CALCOCO1: variants seen among roughly 807,000 people sequenced by gnomAD.
CALCOCO1 encodes the protein calcium binding and coiled-coil domain 1, also known as calcium-binding and coiled-coil domain-containing protein 1.
CALCOCO1 carries 44 observed loss-of-function variants against 86.3 expected under a neutral mutation model. That is an observed-to-expected ratio of 0.51 (90% CI 0.40 to 0.66). The LOEUF (loss-of-function observed/expected upper bound fraction) is 0.66, where lower values mean the gene tolerates loss of function less well. Among genes scored for constraint, CALCOCO1 ranks in the 30% least tolerant of loss-of-function variants. The pLI is 0.00. For synonymous variants in CALCOCO1, 297 were observed against 327.6 expected (o/e 0.91, Z 1.01); for missense variants, 708 against 851.1 (o/e 0.83, Z 2.09).
At position 53,725,123 on chromosome 12, in the gene CALCOCO1, G is replaced by A; in HGVS notation, c.120C>T (p.Thr40=). The A allele has an allele frequency of 3.1e-6, 5 of 1,611,466 alleles. No homozygotes were observed. Among genetic ancestry groups the A allele is most frequent in the Non-Finnish European group, 4.2e-6 (5 of 1,178,776 alleles). Residue 40 remains threonine, a synonymous_variant, in exon 2 of 15, where the codon ACC becomes ACT. Transcript: ENST00000550804. ...VECHYTLPPG[T]MPSASDWIGI... ...CAATCCAGTCACTGGCACTGGGCATGGTGCCTGGGGGAAGGGTGTAGTGAC... is the reference window on the plus strand; with the variant it reads ...CAATCCAGTCACTGGCACTGGGCATAGTGCCTGGGGGAAGGGTGTAGTGAC...
At chr12:53,726,138 C>T (rs1215808865) in intron 1 of CALCOCO1, 2 of 152,098 alleles carry the variant, frequency 1.3e-5, no homozygotes, top group South Asian at 2.1e-4. Flanking sequence ...TAAGGGGCCC[C>T]AAGAAGTGGA....
intron 3 of CALCOCO1, 36 bp downstream of exon 3, chr12:53,724,609 G>A (rs1391779989): frequency 1.3e-6 from 2 of 1,515,612 alleles, no homozygotes; most frequent in Middle Eastern, 3.4e-4. Context: ...CCACTCCCTT[G>A]GCTCCTCTCT....
In CALCOCO1 at chr12:53,712,128, G is replaced by C. The variant is rs1379842829; in HGVS notation, c.1899-7C>G. The C allele has an allele frequency of 6.3e-7, 1 of 1,591,046 alleles. No individual in the cohort carries two copies. The highest frequency in any genetic ancestry group is 2.3e-5 in the East Asian group (1 of 44,128). ...GGTACCCACTGTAAAGCCACTAAGA[G>C]AGACAGAGGGGAAAGGGAGAGGGTC... On this transcript the variant is annotated splice_polypyrimidine_tract_variant and splice_region_variant and intron_variant, in intron 14 of 14. Coordinates refer to ENST00000550804, the MANE Select transcript of CALCOCO1 (RefSeq NM_020898.3).
At chr12:53,724,456 C>G in intron 3 of CALCOCO1, 189 bp downstream of exon 3, 1 of 587,238 alleles carries the variant, frequency 1.7e-6, no homozygotes, top group Non-Finnish European at 3.1e-6. Context: ...GTTTCTATGT[C>G]CCTGATTCTG....
At chr12:53,724,909 C>G in intron 2 of CALCOCO1, 162 bp from the exon 3 acceptor site, 1 of 861,282 alleles carries the variant, frequency 1.2e-6, no homozygotes, top group Non-Finnish European at 1.8e-6. Flanking sequence ...CAGTAAAGAA[C>G]AAGGCTAAGA....
At position 53,716,333 on chromosome 12, in the gene CALCOCO1, C is replaced by T. The variant is rs1945726608; in HGVS notation, c.932G>A (p.Ser311Asn). Reference sequence around the variant, plus strand: ...GTCTTTCAGTCGCTGAGCCTGAGCACTCTGCTCCTCTTGCCAGCTCTTCGC... The same window carrying T: ...GTCTTTCAGTCGCTGAGCCTGAGCATTCTGCTCCTCTTGCCAGCTCTTCGC... ...KEAKSWQEEQ[S>N]AQAQRLKDKV... The change falls in exon 8 of 15, where the codon AGT (serine) becomes AAT (asparagine). Residue 311 changes from serine (S) to asparagine (N), a missense_variant. Transcript: ENST00000550804. 6.2e-7 allele frequency: 1 copy of T among 1,614,206 alleles called. No individual in the cohort carries two copies.
At chr12:53,713,308 T>A in intron 13 of CALCOCO1, 102 bp from the exon 14 acceptor site, 1 of 920,782 alleles carries the variant, frequency 1.1e-6, no homozygotes, top group Non-Finnish European at 1.7e-6. Flanking sequence ...GCTAGGACAG[T>A]GACCTGAGGG....
At chr12:53,727,241 T>G (rs1236202172) in intron 1 of CALCOCO1, among the ~76,000 whole-genome samples, 163 bp downstream of exon 1, 4 of 151,948 alleles carry the variant, frequency 2.6e-5, no homozygotes, top group African/African-American at 9.7e-5. Context: ...AACCAAGAAC[T>G]CCCCAAACAG....
chr12:53,713,269 T>G, intron 13 of CALCOCO1, 63 bp from the exon 14 acceptor site: 8 of 1,355,440 alleles, frequency 5.9e-6, no homozygotes, highest in Non-Finnish European at 8.4e-6. Flanking sequence ...GAGCAGCACA[T>G]TGGGACAGGT....
intron 10 of CALCOCO1, 64 bp downstream of exon 10, chr12:53,715,136 A>C: frequency 1.3e-6 from 2 of 1,571,358 alleles, no homozygotes; most frequent in South Asian, 2.4e-5. Flanking sequence ...CCCAAGACAG[A>C]GAGAAGGGGT....
At position 53,713,114 on chromosome 12, in the gene CALCOCO1, G is replaced by A. The variant is rs1945617271; in HGVS notation, c.1884C>T (p.Phe628=). ...GTTGAACTCACCTGGCCATGTCATA[G>A]AAGGCACTGCCCAGTTCAGGAAGCA... ...NLLLPELGSA[F]YDMASGFTVG... The change falls in exon 14 of 15, where the codon TTC becomes TTT. Residue 628 remains phenylalanine (F), a synonymous_variant. Coordinates refer to ENST00000550804, the MANE Select transcript of CALCOCO1 (RefSeq NM_020898.3). The A allele has an allele frequency of 6.2e-7, 1 of 1,613,830 alleles. No homozygotes were observed. The highest frequency in any genetic ancestry group is 8.5e-7 in the Non-Finnish European group (1 of 1,179,872).
chr12:53,714,444 G>C (rs2277368), intron 11 of CALCOCO1, among the ~76,000 whole-genome samples, 154 bp downstream of exon 11: 61,703 of 151,968 alleles, frequency 0.41, 13,568 homozygotes, highest in African/African-American at 0.56. Flanking sequence ...GAGATCATCC[G>C]CTGTCCTGCC....
chr12:53,711,937 A>C lies in CALCOCO1; in HGVS notation c.*7T>G. On this transcript the variant is annotated 3_prime_UTR_variant, in exon 15 of 15. Coordinates refer to ENST00000550804, the MANE Select transcript of CALCOCO1 (RefSeq NM_020898.3). ...GTGTGTATTTGTGCATGTACGAGGG[A>C]GTAAGATCACTCAAAGGTGAAGGGG... 1 of 1,554,798 alleles carries C rather than the reference A, an allele frequency of 6.4e-7. No homozygotes were observed.
chr12:53,723,734 C>G lies in CALCOCO1; in HGVS notation c.309G>C (p.Val103=). The change falls in exon 4 of 15, where the codon GTG becomes GTC. Residue 103 remains valine (V), a synonymous_variant. Transcript: ENST00000550804. ...PGAQLYQFRY[V]NRQGQVCGQS... ...GCCCACACACCTGGCCCTGGCGGTT[C>G]ACATATCGGAACTGGTAGAGCTGAG... 6.2e-7 allele frequency: 1 copy of G among 1,614,172 alleles called. No homozygotes were observed. The highest frequency in any genetic ancestry group is 2.2e-5 in the East Asian group (1 of 44,876).
Position 53,715,861 on chromosome 12 carries a change from C to T in CALCOCO1, c.1192G>A (p.Gly398Ser), listed in dbSNP as rs772519584. The change falls in exon 9 of 15, where the codon GGT becomes AGT. Residue 398 changes from glycine (G) to serine (S), a missense_variant. Transcript: ENST00000550804. ...AEVNGRLAEL[G>S]LHLKEEKCQW... is the part of the protein sequence containing the mutation. ...CATTTTTCTTCCTTCAAGTGCAAAC[C>T]GAGCTCAGCCAGCCTGCCGTTAACT... is the stretch of plus-strand genomic sequence containing the variant. The T allele has an allele frequency of 1.9e-5, 30 of 1,613,990 alleles. 1 individual carries two copies. The highest frequency in any genetic ancestry group is 3.3e-4 in the Middle Eastern group (2 of 6,084).
At position 53,716,567 on chromosome 12, in the gene CALCOCO1, A is replaced by G. The variant is rs115986662; in HGVS notation, c.850-152T>C. The stretch of plus-strand genomic sequence containing the variant: ...TATTGCCAGCCCTTCTTGGGTTCTC[A>G]GCTCAAATAACTCAATCCTGCATAT... On this transcript the variant is annotated intron_variant, in intron 7 of 14. Coordinates refer to ENST00000550804, the MANE Select transcript of CALCOCO1 (RefSeq NM_020898.3). 2.2e-3 allele frequency: 1,652 copies of G among 764,486 alleles called. 19 individuals carry two copies. The African/African-American group carries it at 0.026, about 12-fold the overall frequency. The allele number at this position is 764,486 out of a possible 1,614,324, so 47.4% of individuals were successfully genotyped here.
At chr12:53,721,746 A>C in intron 5 of CALCOCO1, 131 bp from the exon 6 acceptor site, 3 of 1,125,706 alleles carry the variant, frequency 2.7e-6, no homozygotes, top group Non-Finnish European at 3.9e-6. Flanking sequence ...TTCCTTGAAA[A>C]AGAAACTGTA....
At chr12:53,714,278 T>A in intron 11 of CALCOCO1, 37 bp from the exon 12 acceptor site, 1 of 1,521,632 alleles carries the variant, frequency 6.6e-7, no homozygotes, top group South Asian at 1.1e-5. Context: ...TGCTAGAGAA[T>A]GGGAAGGTGC....
rs1325762692 is a variant in CALCOCO1 at position 53,712,927 on chromosome 12, C to T, written c.1898+173G>A. The T allele has an allele frequency of 6.7e-6, 9 of 1,350,034 alleles. No homozygotes were observed. The East Asian group carries it at 9.4e-5, about 14-fold the overall frequency. The allele number at this position is 1,350,034 out of a possible 1,614,324, so 83.6% of individuals were successfully genotyped here. A position where few individuals can be genotyped will look rare whatever the true frequency, so the allele number is the denominator to read the frequency against. ...AGGGGTAGGGATTACCTGAAGGCAT[C>T]TGGGATTTGGAGCAGTGAGTCATTT... On this transcript the variant is annotated intron_variant, in intron 14 of 14. Coordinates refer to ENST00000550804, the MANE Select transcript of CALCOCO1 (RefSeq NM_020898.3).
Sources: gnomAD v4.1 joint callset for allele counts (sites outside exome capture counted in the v4.1 genomes callset) on GRCh38, gnomAD v4.1.1 for gene constraint, MANE v1.5 for transcripts, NCBI Gene and HGNC (gene_info 2026-07-23, HGNC 2026-07-21) for gene names.